The following TSPEAR variants were observed in gnomAD, a reference collection of about 807,000 sequenced individuals.
TSPEAR encodes the protein thrombospondin-type laminin G domain and EAR repeat-containing protein.
TSPEAR carries 69 observed loss-of-function variants against 71.6 expected under a neutral mutation model. That is an observed-to-expected ratio of 0.96 (90% CI 0.79 to 1.18). The LOEUF (loss-of-function observed/expected upper bound fraction) is 1.18. TSPEAR is among the 50% of genes most tolerant of loss of function. The probability of loss-of-function intolerance (pLI) is 0.00; values close to 1 mark genes in which losing one functional copy is unlikely to be tolerated. For synonymous variants in TSPEAR, 402 were observed against 387.2 expected, an observed-to-expected ratio of 1.04 and a Z score of -0.45; for missense variants, 971 against 894.9, an observed-to-expected ratio of 1.09 and a Z score of -1.09.
intron 1 of TSPEAR, among the ~76,000 whole-genome samples, chr21:44,708,674 C>A (rs1988062328): frequency 2.0e-5 from 3 of 152,234 alleles, no homozygotes; most frequent in African/African-American, 7.2e-5. Flanking sequence ...CCTCCCTCAG[C>A]CCACCCTGGG....
intron 9 of TSPEAR, among the ~76,000 whole-genome samples, chr21:44,514,477 T>TAACA (rs2052496087): frequency 6.6e-6 from 1 of 152,196 alleles, no homozygotes; most frequent in African/African-American, 2.4e-5. Flanking sequence ...GGGTCCTTAC[T>TAACA]AACATGGTGG....
chr21:44,655,121 G>A (rs1424637201), intron 1 of TSPEAR, among the ~76,000 whole-genome samples: 9 of 152,238 alleles, frequency 5.9e-5, no homozygotes, highest in African/African-American at 9.7e-5. Context: ...CAGAGGTCTA[G>A]CACTGTGCCA....
intron 9 of TSPEAR, chr21:44,518,321 G>T (rs951908011): frequency 2.1e-6 from 1 of 468,212 alleles, no homozygotes; most frequent in Non-Finnish European, 4.4e-6. Flanking sequence ...TGGGTGACAC[G>T]CAGCTGGCCA....
rs782472066 is a variant in TSPEAR, at chr21:44,580,318, G to A, written c.83-12313C>T. 3 of 1,614,068 alleles carry A rather than the reference G, an allele frequency of 1.9e-6. No homozygotes were observed. In the South Asian group the frequency reaches 3.3e-5, roughly 18 times the overall value. On this transcript the variant is annotated intron_variant, in intron 1 of 11. Transcript: ENST00000323084. ...GCTTGCAGCAGACGGGCACGCAGCA[G>A]GCCTGCTGGCAGGGGGAGGAGGCGC... is the stretch of plus-strand genomic sequence containing the variant.
At chr21:44,537,109 T>G (rs2053102229) in intron 2 of TSPEAR, among the ~76,000 whole-genome samples, 1 of 152,174 alleles carries the variant, frequency 6.6e-6, no homozygotes, top group Non-Finnish European at 1.5e-5. Context: ...TCCTACATAT[T>G]TAAAAGCTCA....
At chr21:44,513,928 G>A (rs1175277228) in intron 9 of TSPEAR, among the ~76,000 whole-genome samples, 2 of 152,156 alleles carry the variant, frequency 1.3e-5, no homozygotes, top group Non-Finnish European at 2.9e-5. Flanking sequence ...CAGCGCTACT[G>A]GATGACAGGT....
chr21:44,672,951 T>C (rs13047821), intron 1 of TSPEAR, among the ~76,000 whole-genome samples: 89,401 of 152,134 alleles, frequency 0.59, 26,470 homozygotes, highest in African/African-American at 0.67. Context: ...CCCACGCTCC[T>C]TGTACAGCCT....
chr21:44,615,424 C>T (rs1393365016), intron 1 of TSPEAR, among the ~76,000 whole-genome samples: 1 of 152,224 alleles, frequency 6.6e-6, no homozygotes, highest in Admixed American at 6.5e-5. Context: ...TGGATGGGAT[C>T]CCACCTCTCA....
chr21:44,663,110 G>GA (rs34298789), intron 1 of TSPEAR, among the ~76,000 whole-genome samples: 66,757 of 147,486 alleles, frequency 0.45, 15,027 homozygotes, highest in East Asian at 0.55. Context: ...TTAAAAATCT[G>GA]AAAAAAAAAA....
At position 44,527,418 on chromosome 21, in the gene TSPEAR, A is replaced by G; in HGVS notation, c.1023T>C (p.Phe341=). ...TGGCTTTGCGATTGGCTGTGGCCAC[A>G]AAGAGCCCCACCTGAGGGATGCGGA... ...EVFRIPQVGL[F]VATANRKATS... The change falls in exon 7 of 12, where the codon TTT becomes TTC. Residue 341 remains phenylalanine (F), a synonymous_variant. Transcript: ENST00000323084. 1 of 1,614,234 alleles carries G rather than the reference A, an allele frequency of 6.2e-7. No individual in the cohort carries two copies. The highest frequency in any genetic ancestry group is 2.2e-5 in the East Asian group (1 of 44,892).
At chr21:44,600,576 A>T in intron 1 of TSPEAR, 1 of 1,581,830 alleles carries the variant, frequency 6.3e-7, no homozygotes, top group South Asian at 1.2e-5. Flanking sequence ...TCACTCATTC[A>T]CTCACTCACC....
intron 1 of TSPEAR, among the ~76,000 whole-genome samples, chr21:44,672,001 A>T (rs113554573): frequency 1.9e-4 from 29 of 152,300 alleles, no homozygotes; most frequent in African/African-American, 6.5e-4. Context: ...AGAGACAGAT[A>T]TCATAACCAA....
intron 1 of TSPEAR, among the ~76,000 whole-genome samples, chr21:44,586,973 T>C (rs1555925773): frequency 6.6e-6 from 1 of 152,040 alleles, no homozygotes; most frequent in East Asian, 1.9e-4. Context: ...CTCTGAGAAC[T>C]GCAAAAATGT....
intron 2 of TSPEAR, among the ~76,000 whole-genome samples, chr21:44,552,860 C>T (rs1423822549): frequency 1.3e-5 from 2 of 151,898 alleles, no homozygotes; most frequent in South Asian, 4.1e-4. Context: ...CAAGCCCCTC[C>T]GACCTCTCAG....
At chr21:44,675,295 T>C (rs1555946716) in intron 1 of TSPEAR, among the ~76,000 whole-genome samples, 1 of 152,192 alleles carries the variant, frequency 6.6e-6, no homozygotes, top group Non-Finnish European at 1.5e-5. Flanking sequence ...AAACATGATA[T>C]ATCACATTAA....
rs782653798 is a variant in TSPEAR at position 44,550,896 on chromosome 21, C to T, written c.303+16889G>A. ...GATGGACTTGCAGCAGACAGGCTTG[C>T]AGCAGACGGACACACAGCAGGACTG... is the stretch of plus-strand genomic sequence containing the variant. On this transcript the variant is annotated intron_variant, in intron 2 of 11. Transcript: ENST00000323084. 3 of 1,466,258 alleles carry T rather than the reference C, an allele frequency of 2.0e-6. No homozygotes were observed. In the Admixed American group the frequency reaches 6.3e-5, roughly 31 times the overall value. The allele number at this position is 1,466,258 out of a possible 1,614,324, so 90.8% of individuals were successfully genotyped here.
At chr21:44,655,824 A>G (rs1985113080) in intron 1 of TSPEAR, among the ~76,000 whole-genome samples, 1 of 152,190 alleles carries the variant, frequency 6.6e-6, no homozygotes, top group East Asian at 1.9e-4. Flanking sequence ...TACTCTGTCC[A>G]TCCCAGGCAG....
intron 2 of TSPEAR, among the ~76,000 whole-genome samples, chr21:44,561,261 C>A (rs184530225): frequency 1.3e-5 from 2 of 152,278 alleles, no homozygotes; most frequent in Non-Finnish European, 2.9e-5. Context: ...TGGACACATA[C>A]ACCCTCCCAA....
intron 1 of TSPEAR, among the ~76,000 whole-genome samples, chr21:44,640,436 G>A (rs1983961912): frequency 6.6e-6 from 1 of 152,228 alleles, no homozygotes; most frequent in Non-Finnish European, 1.5e-5. Flanking sequence ...TTTGGAGTGG[G>A]AATGTTGTAA....
Sources: allele counts gnomAD v4.1 joint callset (sites outside exome capture counted in the v4.1 genomes callset), GRCh38; gene constraint gnomAD v4.1.1; transcripts MANE v1.5; gene names NCBI Gene and HGNC (gene_info 2026-07-23, HGNC 2026-07-21).